PIK3AP1: variants seen among roughly 807,000 people sequenced by gnomAD.
PIK3AP1 encodes phosphoinositide 3-kinase adapter protein 1.
A neutral mutation model predicts 88.1 loss-of-function variants in PIK3AP1; 21 were observed. The observed-to-expected ratio is 0.24, with a 90% CI of 0.17 to 0.34. The LOEUF (loss-of-function observed/expected upper bound fraction) is 0.34, where lower values mean the gene tolerates loss of function less well. Ranked by LOEUF, PIK3AP1 falls within the 10% of genes least tolerant of loss-of-function variation. The pLI, the probability that PIK3AP1 is intolerant of heterozygous loss-of-function variation, is 1.00. For synonymous variants in PIK3AP1, 398 were observed against 400.0 expected (o/e 1.00, Z 0.06); for missense variants, 828 against 1,035.7 (o/e 0.80, Z 2.75).
intron 12 of PIK3AP1, among the ~76,000 whole-genome samples, chr10:96,617,307 A>G (rs1378023476): frequency 6.6e-6 from 1 of 152,240 alleles, no homozygotes; most frequent in Non-Finnish European, 1.5e-5. Flanking sequence ...ATAGACATGT[A>G]AGGGTCAAGA....
intron 16 of PIK3AP1, among the ~76,000 whole-genome samples, chr10:96,599,196 G>A (rs1245173565): frequency 4.6e-5 from 7 of 152,148 alleles, no homozygotes; most frequent in African/African-American, 1.4e-4. Flanking sequence ...AGGGGGGCAG[G>A]GATCAAGGAT....
intron 2 of PIK3AP1, among the ~76,000 whole-genome samples, chr10:96,702,494 T>C (rs1844310356): frequency 6.9e-6 from 1 of 144,592 alleles, no homozygotes; most frequent in African/African-American, 2.6e-5. Context: ...CAAGACTTCG[T>C]CTCAAAAAAA....
intron 2 of PIK3AP1, among the ~76,000 whole-genome samples, chr10:96,663,669 A>T (rs1318604589): frequency 6.6e-6 from 1 of 151,612 alleles, no homozygotes; most frequent in East Asian, 1.9e-4. Flanking sequence ...CCCATTGGCA[A>T]ATCACAAACA....
chr10:96,689,837 G>A (rs1387353027), intron 2 of PIK3AP1, among the ~76,000 whole-genome samples: 1 of 151,986 alleles, frequency 6.6e-6, no homozygotes, highest in Non-Finnish European at 1.5e-5. Flanking sequence ...CCCCTCCAAA[G>A]TGTTCCTTCT....
At chr10:96,625,834 C>T (rs996000219) in intron 10 of PIK3AP1, among the ~76,000 whole-genome samples, 29 of 152,316 alleles carry the variant, frequency 1.9e-4, no homozygotes, top group African/African-American at 6.7e-4. Flanking sequence ...CTGTAACCTA[C>T]ACCTCCCAGG....
chr10:96,648,949 C>T, intron 6 of PIK3AP1, 94 bp from the exon 7 acceptor site: 1 of 1,070,662 alleles, frequency 9.3e-7, no homozygotes, highest in Non-Finnish European at 1.3e-6. Context: ...ACTAGCATGG[C>T]AACAGAAAGC....
At chr10:96,705,881 G>GTTT (rs1844355208) in intron 2 of PIK3AP1, among the ~76,000 whole-genome samples, 3 of 104,142 alleles carry the variant, frequency 2.9e-5, no homozygotes, top group African/African-American at 8.5e-5. Context: ...TGCCCAGCCA[G>GTTT]TTGTTTTTTT....
rs1844361365 is a variant in PIK3AP1, at chr10:96,706,144, C to T, written c.430+3423G>A. On this transcript the variant is annotated intron_variant, in intron 2 of 16. Coordinates refer to ENST00000339364, the MANE Select transcript of PIK3AP1 (RefSeq NM_152309.3). ...TCCTGACCTCGTGATCCGCCCGCCT[C>T]GGCCTCCCAAAGGGCTGGGATTACA... Among the ~76,000 whole-genome samples the T allele has an allele frequency of 3.9e-5, 6 of 152,226 alleles. No homozygotes were observed. In the South Asian group the frequency reaches 1.2e-3, roughly 32 times the overall value.
intron 12 of PIK3AP1, among the ~76,000 whole-genome samples, chr10:96,618,276 A>G (rs780480676): frequency 6.6e-6 from 1 of 152,246 alleles, no homozygotes; most frequent in Non-Finnish European, 1.5e-5. Context: ...CGTTGTGCAC[A>G]TGTACCCTAG....
chr10:96,644,029 C>T (rs931517226), intron 8 of PIK3AP1, among the ~76,000 whole-genome samples: 1 of 152,196 alleles, frequency 6.6e-6, no homozygotes, highest in African/African-American at 2.4e-5. Flanking sequence ...TCTTAGAGGG[C>T]CTGCTGTGTG....
At chr10:96,599,665 A>C (rs544634356) in intron 16 of PIK3AP1, among the ~76,000 whole-genome samples, 15 of 152,294 alleles carry the variant, frequency 9.8e-5, no homozygotes, top group African/African-American at 3.6e-4. Flanking sequence ...CAAACATTGA[A>C]GTCATTCTGG....
intron 6 of PIK3AP1, among the ~76,000 whole-genome samples, chr10:96,650,465 C>G (rs574237923): frequency 6.6e-6 from 1 of 152,338 alleles, no homozygotes; most frequent in Admixed American, 6.5e-5. Context: ...CAAGAGGCTG[C>G]TCCTCCCTCA....
intron 8 of PIK3AP1, chr10:96,633,042 G>A (rs755219721): frequency 1.2e-5 from 20 of 1,606,984 alleles, no homozygotes; most frequent in South Asian, 2.2e-5. Context: ...AGCAGGCCAC[G>A]CTGGTGAAAA....
intron 11 of PIK3AP1, chr10:96,620,826 ATTATTT>A (rs1361489915): frequency 3.5e-5 from 13 of 366,882 alleles, no homozygotes; most frequent in Admixed American, 3.2e-4. Flanking sequence ...AACTATTATT[ATTATTT>A]TTAACAGGCT....
Position 96,720,459 on chromosome 10 carries a change from C to A in PIK3AP1, c.-65G>T, listed in dbSNP as rs1283758486. 5 of 1,208,380 alleles carry A rather than the reference C, an allele frequency of 4.1e-6. No individual in the cohort carries two copies. The African/African-American group carries it at 7.9e-5, about 19-fold the overall frequency. 74.9% of individuals were successfully genotyped at this position (1,208,380 alleles called of 1,614,324 possible). A position where few individuals can be genotyped will look rare whatever the true frequency, so the allele number is the denominator to read the frequency against. Reference sequence around the variant, plus strand: ...CCGGGGCCGGGACCGGGGCCGGCGGCGTCCTGGCTCGGGCTGGAGGGGCGC... The same window carrying A: ...CCGGGGCCGGGACCGGGGCCGGCGGAGTCCTGGCTCGGGCTGGAGGGGCGC... On this transcript the variant is annotated 5_prime_UTR_variant, in exon 1 of 17. Transcript: ENST00000339364. This position sits in a 1 kb window ranked among gnomAD's most constrained non-coding sequence, Gnocchi z 4.6.
intron 10 of PIK3AP1, among the ~76,000 whole-genome samples, 188 bp from the exon 11 acceptor site, chr10:96,623,725 C>T (rs1027387973): frequency 6.6e-6 from 1 of 152,076 alleles, no homozygotes; most frequent in Non-Finnish European, 1.5e-5. Context: ...CAATCTCAAA[C>T]TAGAAAACCA....
chr10:96,718,935 C>T (rs1198759149), intron 1 of PIK3AP1, among the ~76,000 whole-genome samples: 1 of 152,186 alleles, frequency 6.6e-6, no homozygotes, highest in African/African-American at 2.4e-5. Context: ...GAGCACTCTT[C>T]CCCAAAGAGC....
chr10:96,622,346 G>C (rs185066972), intron 11 of PIK3AP1, among the ~76,000 whole-genome samples: 2 of 152,154 alleles, frequency 1.3e-5, no homozygotes, highest in Non-Finnish European at 2.9e-5. Context: ...TGAGCTACTC[G>C]CAGCGACCAT....
At chr10:96,701,568 G>A (rs1211687596) in intron 2 of PIK3AP1, among the ~76,000 whole-genome samples, 2 of 152,212 alleles carry the variant, frequency 1.3e-5, no homozygotes, top group Non-Finnish European at 2.9e-5. Context: ...TCCCTGAGGG[G>A]AGGAGGGTAC....
Sources: gnomAD v4.1 joint callset for allele counts (sites outside exome capture counted in the v4.1 genomes callset) on GRCh38, gnomAD v4.1.1 for gene constraint, Gnocchi (gnomAD v3.1) non-coding constraint, MANE v1.5 for transcripts, NCBI Gene and HGNC (gene_info 2026-07-23, HGNC 2026-07-21) for gene names.